Variants in SYTL5 observed in about 807,000 individuals in gnomAD.
The protein encoded by SYTL5 is synaptotagmin like 5.
In SYTL5, 34 loss-of-function variants were observed where a neutral mutation model predicts 55.9. The ratio of observed to expected loss-of-function variants is 0.61; its 90% CI spans 0.46 to 0.81. SYTL5 has a LOEUF of 0.81. SYTL5 is among the 30% of genes least tolerant of loss of function. The pLI is 0.00. For missense variants in SYTL5, 637 were observed against 546.7 expected (o/e 1.17, Z -1.65); for synonymous variants, 221 against 188.7 (o/e 1.17, Z -1.40).
intron 2 of SYTL5, among the ~76,000 whole-genome samples, chrX:38,044,620 C>A (rs73632440): frequency 6.3e-5 from 7 of 111,401 alleles, no homozygotes; most frequent in African/African-American, 2.3e-4. Context: ...CATTGTGATA[C>A]CAAATATTTT....
At chrX:37,977,380 G>A in the SYTL5 span, among the ~76,000 whole-genome samples, 32 of 110,761 alleles carry the variant, frequency 2.9e-4, no homozygotes, top group African/African-American at 1.1e-3. Flanking sequence ...GGTAGGAAAG[G>A]GAAGAGGGAA....
At chrX:38,112,171 A>G (rs936588325) in intron 13 of SYTL5, among the ~76,000 whole-genome samples, 5 of 111,607 alleles carry the variant, frequency 4.5e-5, no homozygotes, top group Non-Finnish European at 9.4e-5. Flanking sequence ...GAGATTTGCC[A>G]CAACAGCCTC....
the SYTL5 span, among the ~76,000 whole-genome samples, chrX:37,977,838 A>G: frequency 9.1e-6 from 1 of 109,930 alleles, no homozygotes; most frequent in Non-Finnish European, 1.9e-5. Context: ...TTGAAGTTTT[A>G]TGGTGGTTAG....
At chrX:38,004,619 G>C (rs1322106898), upstream of SYTL5, among the ~76,000 whole-genome samples, 2 of 111,602 alleles carry the variant, frequency 1.8e-5, no homozygotes, top group Non-Finnish European at 3.8e-5. Flanking sequence ...TCTGTCGTTT[G>C]CAACAACATG....
chrX:37,902,461 T>C, the SYTL5 span, among the ~76,000 whole-genome samples: 1 of 112,398 alleles, frequency 8.9e-6, no homozygotes, highest in Non-Finnish European at 1.9e-5. Flanking sequence ...GCTCTGCTTA[T>C]AAAGGTACAT....
At chrX:38,099,190 A>C (rs771573060) in intron 9 of SYTL5, among the ~76,000 whole-genome samples, 3 of 111,337 alleles carry the variant, frequency 2.7e-5, no homozygotes, top group Non-Finnish European at 5.7e-5. Flanking sequence ...AATTAGCAGC[A>C]AGGAAAATAG....
At chrX:37,982,476 A>G in the SYTL5 span, among the ~76,000 whole-genome samples, 3 of 112,618 alleles carry the variant, frequency 2.7e-5, no homozygotes, top group Non-Finnish European at 5.6e-5. Flanking sequence ...TATGCAAATA[A>G]TGACTAAATA....
intron 7 of SYTL5, among the ~76,000 whole-genome samples, chrX:38,092,590 C>A (rs1337892632): frequency 9.0e-6 from 1 of 111,250 alleles, no homozygotes; most frequent in Non-Finnish European, 1.9e-5. Context: ...CCTGTTCTTT[C>A]GTGTGCTTTG....
chrX:38,082,846 T>C (rs933493882), intron 6 of SYTL5, among the ~76,000 whole-genome samples: 1 of 111,918 alleles, frequency 8.9e-6, no homozygotes, highest in Non-Finnish European at 1.9e-5. Flanking sequence ...GAAAAGAAAC[T>C]GTTCAGAGTT....
chrX:37,910,657 A>G, the SYTL5 span, among the ~76,000 whole-genome samples: 6 of 112,570 alleles, frequency 5.3e-5, no homozygotes, highest in African/African-American at 1.9e-4. Context: ...ATCATACTTG[A>G]AGTAGCATGG....
the SYTL5 span, among the ~76,000 whole-genome samples, chrX:37,937,379 T>C: frequency 9.0e-6 from 1 of 111,310 alleles, no homozygotes; most frequent in Non-Finnish European, 1.9e-5. Context: ...CCACCATTCC[T>C]AGCTTTGAAG....
At chrX:38,043,631 C>T (rs754223677) in intron 2 of SYTL5, among the ~76,000 whole-genome samples, 1 of 89,913 alleles carries the variant, frequency 1.1e-5, no homozygotes, top group African/African-American at 4.2e-5. Context: ...TGTTGAATTT[C>T]CCTCCTGTAA....
At chrX:38,035,096 C>A (rs1169881224) in intron 2 of SYTL5, among the ~76,000 whole-genome samples, 2 of 112,183 alleles carry the variant, frequency 1.8e-5, no homozygotes, top group Admixed American at 1.9e-4. Flanking sequence ...ATGTTTATTT[C>A]ACAGTTAAGA....
At chrX:37,961,073 C>T in the SYTL5 span, among the ~76,000 whole-genome samples, 6 of 110,492 alleles carry the variant, frequency 5.4e-5, no homozygotes, top group Middle Eastern at 4.7e-3. Context: ...TGTGAGCCAC[C>T]GCGCCCGGCC....
chrX:37,974,446 ATTGT>A, the SYTL5 span, among the ~76,000 whole-genome samples: 5 of 111,908 alleles, frequency 4.5e-5, no homozygotes, highest in East Asian at 2.8e-4. Flanking sequence ...ATGGGAAATG[ATTGT>A]TTGGGTAGTG....
chrX:38,103,223 C>A lies in SYTL5; in HGVS notation c.1155+789C>A, dbSNP rs895101228. On this transcript the variant is annotated intron_variant, in intron 10 of 16. Coordinates refer to ENST00000297875, the MANE Select transcript of SYTL5 (RefSeq NM_138780.3). ...TTATATACAATTAACCAGAGGTTAT[C>A]TTCTAAAAGATTGATGAGATGATCA... 5 of 423,417 alleles carry A rather than the reference C, an allele frequency of 1.2e-5. No individual in the cohort carries two copies. The Admixed American group carries it at 1.8e-4, about 16-fold the overall frequency. 34.9% of individuals were successfully genotyped at this position (423,417 alleles called of 1,213,427 possible).
intron 2 of SYTL5, among the ~76,000 whole-genome samples, chrX:38,052,243 G>T (rs1344930312): frequency 8.9e-6 from 1 of 111,932 alleles, no homozygotes; most frequent in Non-Finnish European, 1.9e-5. Context: ...CACAAACTTG[G>T]TGGGGACTTA....
intron 3 of SYTL5, among the ~76,000 whole-genome samples, chrX:38,063,727 A>G (rs778446651): frequency 6.3e-5 from 7 of 111,983 alleles, no homozygotes; most frequent in Admixed American, 9.5e-5. Context: ...AAATACATCC[A>G]TGTTCGTGTG....
At chrX:37,910,139 G>T in the SYTL5 span, among the ~76,000 whole-genome samples, 1 of 111,712 alleles carries the variant, frequency 9.0e-6, no homozygotes, top group Non-Finnish European at 1.9e-5. Context: ...GCCATTCAAA[G>T]GACCACAGAC....
Sources: allele counts gnomAD v4.1 joint callset (sites outside exome capture counted in the v4.1 genomes callset), GRCh38; gene constraint gnomAD v4.1.1; transcripts MANE v1.5; gene names NCBI Gene and HGNC (gene_info 2026-07-23, HGNC 2026-07-21).